The following TET1 variants were observed in gnomAD, a reference collection of about 807,000 sequenced individuals.
TET1 encodes the protein methylcytosine dioxygenase TET1.
Under a neutral mutation model 148.7 loss-of-function variants are expected in TET1, and 13 were observed. The observed-to-expected ratio is 0.09, with a 90% CI of 0.06 to 0.14. The LOEUF is 0.14. Ranked by LOEUF, TET1 falls within the 10% of genes least tolerant of loss-of-function variation. The probability of loss-of-function intolerance (pLI) is 1.00; values close to 1 mark genes in which losing one functional copy is unlikely to be tolerated. For synonymous variants in TET1, 907 were observed against 937.2 expected (o/e 0.97, Z 0.59); for missense variants, 2,182 against 2,553.8 (o/e 0.85, Z 3.14).
intron 8 of TET1, among the ~76,000 whole-genome samples, chr10:68,676,236 GTATATATATATATATATATATA>G (rs750680550): frequency 3.1e-4 from 17 of 55,494 alleles, no homozygotes; most frequent in Middle Eastern, 0.025. Context: ...GTATGTATGT[GTATATATATATATATATATATA>G]TATATATATA....
intron 3 of TET1, among the ~76,000 whole-genome samples, chr10:68,618,371 A>C (rs1031608355): frequency 4.6e-5 from 7 of 152,196 alleles, no homozygotes; most frequent in African/African-American, 1.7e-4. Flanking sequence ...CTAACTAGGC[A>C]TAGAATTCCA....
chr10:68,569,166 CTTTTTT>C (rs34385747), intron 1 of TET1, among the ~76,000 whole-genome samples: 6 of 69,770 alleles, frequency 8.6e-5, no homozygotes, highest in East Asian at 4.8e-4. Context: ...AGGAGAGTTT[CTTTTTT>C]TTTTTTTTTT....
intron 4 of TET1, among the ~76,000 whole-genome samples, chr10:68,647,318 C>G (rs114384659): frequency 2.0e-5 from 3 of 152,142 alleles, no homozygotes; most frequent in East Asian, 3.8e-4. Context: ...GAATGAATTT[C>G]GTAGGCCAGG....
intron 6 of TET1, among the ~76,000 whole-genome samples, chr10:68,653,825 G>A (rs190606255): frequency 3.7e-3 from 561 of 152,164 alleles, no homozygotes; most frequent in Non-Finnish European, 6.5e-3. Flanking sequence ...GTGGGTTGTC[G>A]GCCCAGCACG....
intron 2 of TET1, among the ~76,000 whole-genome samples, chr10:68,577,066 G>A (rs561875063): frequency 2.0e-5 from 3 of 152,068 alleles, no homozygotes; most frequent in Non-Finnish European, 4.4e-5. Context: ...CCGCCACCGC[G>A]CCCGGCTAAT....
intron 3 of TET1, among the ~76,000 whole-genome samples, chr10:68,629,413 G>T (rs955077682): frequency 6.6e-6 from 1 of 151,720 alleles, no homozygotes; most frequent in Non-Finnish European, 1.5e-5. Context: ...AAATTGAGAT[G>T]TATTAATTGT....
intron 2 of TET1, among the ~76,000 whole-genome samples, chr10:68,588,165 A>AT (rs1053437393): frequency 7.2e-5 from 11 of 152,030 alleles, no homozygotes; most frequent in African/African-American, 2.7e-4. Flanking sequence ...CCTGGCTTTT[A>AT]TTTTTTATAT....
At chr10:68,655,972 C>T (rs2055015316) in intron 6 of TET1, among the ~76,000 whole-genome samples, 2 of 152,130 alleles carry the variant, frequency 1.3e-5, no homozygotes, top group African/African-American at 2.4e-5. Context: ...TGGGATTAGA[C>T]TCTCATAGGA....
intron 1 of TET1, among the ~76,000 whole-genome samples, chr10:68,565,475 A>AAATAAT (rs1388182777): frequency 7.7e-6 from 1 of 129,232 alleles, no homozygotes; most frequent in Non-Finnish European, 1.6e-5. Flanking sequence ...AAAAAAAAAA[A>AAATAAT]ATATATATAT....
chr10:68,632,305 G>A (rs2054585232), intron 3 of TET1: 2 of 1,341,230 alleles, frequency 1.5e-6, no homozygotes, highest in African/African-American at 1.4e-5. Context: ...CTGGGTGACA[G>A]AGCCAGATTC....
At position 68,573,469 on chromosome 10, in the gene TET1, A is replaced by C; in HGVS notation, c.1131A>C (p.Glu377Asp). The C allele has an allele frequency of 6.2e-7, 1 of 1,614,170 alleles. No homozygotes were observed. The highest frequency in any genetic ancestry group is 8.5e-7 in the Non-Finnish European group (1 of 1,180,030). The change falls in exon 2 of 12, where the codon GAA (glutamate) becomes GAC (aspartate). Residue 377 changes from glutamate (E) to aspartate (D), a missense_variant. Physicochemically the swap from Glu to Asp is conservative, Grantham distance 45. Coordinates refer to ENST00000373644, the MANE Select transcript of TET1 (RefSeq NM_030625.3). ...TTGGTGCTATCCCACATCAATGGGA[A>C]CTTCCTGGTGCTGACCCAGTTCATG... Reference protein sequence around the residue: ...QAFGAIPHQWELPGADPVHGE... With the variant: ...QAFGAIPHQWDLPGADPVHGE...
intron 11 of TET1, among the ~76,000 whole-genome samples, chr10:68,688,200 C>A (rs1422427529): frequency 6.6e-6 from 1 of 151,974 alleles, no homozygotes; most frequent in Non-Finnish European, 1.5e-5. Flanking sequence ...TTGATTCAAG[C>A]GATTCTCCTG....
At chr10:68,669,344 T>G (rs1564502482) in intron 7 of TET1, among the ~76,000 whole-genome samples, 1 of 151,802 alleles carries the variant, frequency 6.6e-6, no homozygotes, top group Non-Finnish European at 1.5e-5. Flanking sequence ...AGAGTCTCAC[T>G]CTGTCGCCCA....
chr10:68,658,661 G>T (rs1221144060), intron 6 of TET1, among the ~76,000 whole-genome samples: 1 of 152,050 alleles, frequency 6.6e-6, no homozygotes, highest in Non-Finnish European at 1.5e-5. Flanking sequence ...AGAGATTTTT[G>T]ACTCTTTTTC....
At chr10:68,567,383 C>T (rs539678631) in intron 1 of TET1, among the ~76,000 whole-genome samples, 104 of 152,118 alleles carry the variant, frequency 6.8e-4, no homozygotes, top group Non-Finnish European at 1.3e-3. Flanking sequence ...AGATTGAACC[C>T]GGGAGGGTTC....
chr10:68,628,876 G>A (rs1340650504), intron 3 of TET1, among the ~76,000 whole-genome samples: 1 of 152,202 alleles, frequency 6.6e-6, no homozygotes, highest in Admixed American at 6.5e-5. Context: ...CTGAAGGAAT[G>A]AGAGTTTCAT....
At chr10:68,671,549 C>T (rs917898898) in intron 7 of TET1, among the ~76,000 whole-genome samples, 5 of 152,184 alleles carry the variant, frequency 3.3e-5, no homozygotes, top group Admixed American at 2.6e-4. Flanking sequence ...ATTTATACTC[C>T]TTTGGGTATA....
chr10:68,618,451 A>C (rs537692213), intron 3 of TET1, among the ~76,000 whole-genome samples: 269 of 152,304 alleles, frequency 1.8e-3, no homozygotes, highest in Middle Eastern at 3.4e-3. Context: ...ACAGAGCTTT[A>C]TCTTACCAGG....
chr10:68,573,192 C>G lies in TET1; in HGVS notation c.854C>G (p.Ser285Cys). Residue 285 changes from serine to cysteine, a missense_variant, in exon 2 of 12, where the codon TCT becomes TGT. Around this residue, in one of 11 missense-constraint regions of TET1, gnomAD observed 665 missense variants for 672.4 expected, o/e 0.99. Coordinates refer to ENST00000373644, the MANE Select transcript of TET1 (RefSeq NM_030625.3). ...GTAGAATCTCTTAAGTTATCTGATT[C>G]TTACCTGGATCCCATTAAAAGTGAA... ...SRVESLKLSDSYLDPIKSEHD... is the reference protein window; with the variant it reads ...SRVESLKLSDCYLDPIKSEHD... 1 of 1,614,130 alleles carries G rather than the reference C, an allele frequency of 6.2e-7. No homozygotes were observed. The highest frequency in any genetic ancestry group is 8.5e-7 in the Non-Finnish European group (1 of 1,180,020).
Sources: allele counts gnomAD v4.1 joint callset (sites outside exome capture counted in the v4.1 genomes callset), GRCh38; gene constraint gnomAD v4.1.1; regional missense constraint gnomAD v4.1.1; transcripts MANE v1.5; gene names NCBI Gene and HGNC (gene_info 2026-07-23, HGNC 2026-07-21).